The following MRPL1 variants were observed in gnomAD, a reference collection of about 807,000 sequenced individuals.
MRPL1 encodes the protein large ribosomal subunit protein uL1m.
A neutral mutation model predicts 38.0 loss-of-function variants in MRPL1; 28 were observed. That is an observed-to-expected ratio of 0.74 (90% CI 0.55 to 1.01). The LOEUF is 1.01. MRPL1 is among the 50% of genes least tolerant of loss of function. MRPL1 has a pLI of 0.00. For missense variants in MRPL1, 358 were observed against 389.8 expected (o/e 0.92, Z 0.69); for synonymous variants, 123 against 126.7 (o/e 0.97, Z 0.20).
chr4:77,862,940 A>T lies in MRPL1; in HGVS notation c.31+61A>T. ...CTGGCACCGAGTCTCTGGTTGCAGCAGAGTGCAAGGCGGATTCTGCTCTGG... is the reference window on the plus strand; with the variant it reads ...CTGGCACCGAGTCTCTGGTTGCAGCTGAGTGCAAGGCGGATTCTGCTCTGG... On this transcript the variant is annotated intron_variant, in intron 1 of 8. Coordinates refer to ENST00000315567, the MANE Select transcript of MRPL1 (RefSeq NM_020236.4). 3 of 1,605,866 alleles carry T rather than the reference A, an allele frequency of 1.9e-6. No homozygotes were observed. The South Asian group carries it at 3.3e-5, about 18-fold the overall frequency.
intron 1 of MRPL1, among the ~76,000 whole-genome samples, chr4:77,867,760 T>TC (rs1438188422): frequency 6.9e-6 from 1 of 145,404 alleles, no homozygotes; most frequent in Non-Finnish European, 1.5e-5. Context: ...TTTTTTTTTT[T>TC]TTTTTTTTTT....
intron 7 of MRPL1, among the ~76,000 whole-genome samples, chr4:77,949,428 T>G (rs1737355168): frequency 6.6e-6 from 1 of 152,202 alleles, no homozygotes. Context: ...CTAGACATTT[T>G]CTTAGTTTCC....
chr4:77,866,634 C>G (rs945841555), intron 1 of MRPL1, among the ~76,000 whole-genome samples: 4 of 152,082 alleles, frequency 2.6e-5, no homozygotes, highest in African/African-American at 7.2e-5. Flanking sequence ...CTTCTAGTTT[C>G]TTAAACACAT....
At chr4:77,888,903 A>G (rs1198860561) in intron 5 of MRPL1, among the ~76,000 whole-genome samples, 2 of 151,856 alleles carry the variant, frequency 1.3e-5, no homozygotes, top group African/African-American at 2.4e-5. Context: ...GATGTTCCCC[A>G]CCCTGTCAAT....
intron 1 of MRPL1, among the ~76,000 whole-genome samples, chr4:77,867,366 G>C (rs1475429128): frequency 6.6e-6 from 1 of 151,974 alleles, no homozygotes; most frequent in African/African-American, 2.4e-5. Flanking sequence ...TCCAATTTTT[G>C]CTCTCATTTG....
intron 2 of MRPL1, among the ~76,000 whole-genome samples, chr4:77,874,575 A>G (rs1735352104): frequency 6.6e-6 from 1 of 152,186 alleles, no homozygotes; most frequent in African/African-American, 2.4e-5. Context: ...GATAAGTAAT[A>G]CCAAATTGCC....
chr4:77,937,334 T>C (rs531701582), intron 7 of MRPL1, among the ~76,000 whole-genome samples: 2 of 152,328 alleles, frequency 1.3e-5, no homozygotes, highest in East Asian at 3.9e-4. Context: ...CAGGCTTTGA[T>C]GGCTTGTGTG....
rs1473563078 is a variant in MRPL1 at position 77,948,669 on chromosome 4, A to T, written c.778-1128A>T. ...GGGGCACATTTCTCACAGTGCTCTC[A>T]GAGTCTTTGGAAAACAGAAATCTTG... On this transcript the variant is annotated intron_variant, in intron 7 of 8. Transcript: ENST00000315567. Among the ~76,000 whole-genome samples the T allele has an allele frequency of 5.9e-5, 9 of 152,180 alleles. 1 individual carries two copies. The South Asian group carries it at 1.5e-3, about 25-fold the overall frequency.
At chr4:77,915,307 A>C (rs1374674366) in intron 7 of MRPL1, among the ~76,000 whole-genome samples, 1 of 152,228 alleles carries the variant, frequency 6.6e-6, no homozygotes, top group Non-Finnish European at 1.5e-5. Context: ...TATCTTGGAT[A>C]TTAGAACTCA....
intron 2 of MRPL1, among the ~76,000 whole-genome samples, chr4:77,874,240 C>G (rs1160339604): frequency 6.6e-6 from 1 of 152,146 alleles, no homozygotes; most frequent in Non-Finnish European, 1.5e-5. Flanking sequence ...CCCGCCTTGG[C>G]CTCCCAAAGT....
chr4:77,941,480 T>C (rs1330890405), intron 7 of MRPL1, among the ~76,000 whole-genome samples: 1 of 152,214 alleles, frequency 6.6e-6, no homozygotes, highest in African/African-American at 2.4e-5. Context: ...ATCATTCAGC[T>C]GTGAATTCAT....
rs1286222647 is a variant in MRPL1, at chr4:77,952,500, G to A, written c.871G>A (p.Val291Ile). The A allele has an allele frequency of 6.2e-7, 1 of 1,611,938 alleles. No homozygotes were observed. Among genetic ancestry groups the A allele is most frequent in the Non-Finnish European group, 8.5e-7 (1 of 1,178,750 alleles). Reference sequence around the variant, plus strand: ...GTTTTTGTTTCCAGGTCCCTTTGTGGTACGTGCTTTCCTTCGTAGTTCAAC... The same window carrying A: ...GTTTTTGTTTCCAGGTCCCTTTGTGATACGTGCTTTCCTTCGTAGTTCAAC... ...HRPLNLGPFV[V>I]RAFLRSSTSE... The change falls in exon 9 of 9, where the codon GTA becomes ATA. Residue 291 changes from valine (V) to isoleucine (I), a missense_variant. Transcript: ENST00000315567.
intron 7 of MRPL1, among the ~76,000 whole-genome samples, chr4:77,935,477 T>C (rs1736947084): frequency 6.6e-6 from 1 of 151,944 alleles, no homozygotes; most frequent in Non-Finnish European, 1.5e-5. Flanking sequence ...CACTGCAGCC[T>C]CTGCCTCCCG....
At position 77,909,271 on chromosome 4, in the gene MRPL1, A is replaced by T. The variant is rs375007647; in HGVS notation, c.676A>T (p.Ile226Phe). 12 of 1,601,056 alleles carry T rather than the reference A, an allele frequency of 7.5e-6. No homozygotes were observed. In the South Asian group the frequency reaches 9.0e-5, roughly 12 times the overall value. Reference sequence around the variant, plus strand: ...ATTTTACTTTTTCTAACTAGATTCCATTGGCCGTGACATCCCCAAAATGCT... The same window carrying T: ...ATTTTACTTTTTCTAACTAGATTCCTTTGGCCGTGACATCCCCAAAATGCT... ...KKYPKLSRNS[I>F]GRDIPKMLEL... Residue 226 changes from isoleucine to phenylalanine, a missense_variant, in exon 7 of 9, where the codon ATT (isoleucine) becomes TTT (phenylalanine). By Grantham distance (21) the Ile-to-Phe change is conservative. Transcript: ENST00000315567.
chr4:77,940,895 C>T (rs1179851515), intron 7 of MRPL1, among the ~76,000 whole-genome samples: 1 of 152,108 alleles, frequency 6.6e-6, no homozygotes, highest in Non-Finnish European at 1.5e-5. Context: ...ATATGAACCC[C>T]AGGTCATAGT....
intron 7 of MRPL1, among the ~76,000 whole-genome samples, chr4:77,933,788 C>T (rs7687500): frequency 0.063 from 9,619 of 152,202 alleles, 470 homozygotes; most frequent in African/African-American, 0.14. Flanking sequence ...AGTAGTACAG[C>T]CACTGTGGAA....
chr4:77,892,390 TC>T (rs1735827905), intron 5 of MRPL1, among the ~76,000 whole-genome samples: 2 of 152,186 alleles, frequency 1.3e-5, no homozygotes, highest in Admixed American at 1.3e-4. Flanking sequence ...TTCCTCGGCC[TC>T]CCAAAGTGCT....
At chr4:77,932,948 G>GA (rs535199673) in intron 7 of MRPL1, among the ~76,000 whole-genome samples, 2,184 of 144,466 alleles carry the variant, frequency 0.015, 25 homozygotes, top group Non-Finnish European at 0.023. Flanking sequence ...TAAAAAAAAA[G>GA]AAAAAAAAAA....
chr4:77,924,055 G>GT (rs1053525649), intron 7 of MRPL1, among the ~76,000 whole-genome samples: 1 of 151,632 alleles, frequency 6.6e-6, no homozygotes, highest in Non-Finnish European at 1.5e-5. Context: ...AATGCAGTGA[G>GT]TTTTTTTTCC....
Sources: gnomAD v4.1 joint callset for allele counts (sites outside exome capture counted in the v4.1 genomes callset) on GRCh38, gnomAD v4.1.1 for gene constraint, MANE v1.5 for transcripts, NCBI Gene and HGNC (gene_info 2026-07-23, HGNC 2026-07-21) for gene names.